Variants in ZNF560 observed in about 807,000 individuals in gnomAD.
ZNF560 encodes zinc finger protein 560.
A neutral mutation model predicts 81.8 loss-of-function variants in ZNF560; 54 were observed. That is an observed-to-expected ratio of 0.66 (90% CI 0.53 to 0.83). The LOEUF is 0.83. Among genes scored for constraint, ZNF560 ranks in the 40% least tolerant of loss-of-function variants. ZNF560 has a pLI of 0.00. For synonymous variants in ZNF560, 321 were observed against 317.9 expected (o/e 1.01, Z -0.10); for missense variants, 940 against 932.4 (o/e 1.01, Z -0.11).
At chr19:9,472,026 C>T (rs902099778) in intron 5 of ZNF560, among the ~76,000 whole-genome samples, 5 of 151,632 alleles carry the variant, frequency 3.3e-5, no homozygotes, top group Admixed American at 2.6e-4. Context: ...AGGAGAATGG[C>T]ATGAACCTGG....
At chr19:9,491,934 C>T (rs1387711561) in intron 2 of ZNF560, among the ~76,000 whole-genome samples, 1 of 138,858 alleles carries the variant, frequency 7.2e-6, no homozygotes, top group Admixed American at 7.2e-5. Context: ...GCCTAATCTG[C>T]TAAAAGCAAA....
At chr19:9,461,056 C>A in the ZNF560 span, among the ~76,000 whole-genome samples, 7 of 150,964 alleles carry the variant, frequency 4.6e-5, no homozygotes, top group Admixed American at 6.6e-5. Context: ...AATGATATGG[C>A]CCGCTGTAGG....
chr19:9,467,198 C>T lies in ZNF560; in HGVS notation c.1749G>A (p.Glu583=), dbSNP rs374445734. The T allele has an allele frequency of 1.9e-6, 3 of 1,613,326 alleles. No individual in the cohort carries two copies. Among genetic ancestry groups the T allele is most frequent in the Admixed American group, 1.7e-5 (1 of 59,960 alleles). The change falls in exon 10 of 10, where the codon GAG becomes GAA. Residue 583 remains glutamate (E), a synonymous_variant. Transcript: ENST00000301480. The part of the protein sequence containing the change: ...ECMKCGKAFT[E]RSYLTKHLRR... ...GTAAATGTTTAGTAAGGTATGAGCG[C>T]TCAGTGAAGGCTTTCCCACATTTCA...
the ZNF560 span, among the ~76,000 whole-genome samples, chr19:9,449,628 G>A: frequency 0.67 from 102,598 of 152,004 alleles, 35,690 homozygotes; most frequent in African/African-American, 0.84. Context: ...TGACATAGCT[G>A]CAGCCAACAT....
At chr19:9,477,768 C>G (rs1020769568) in intron 2 of ZNF560, among the ~76,000 whole-genome samples, 3 of 151,548 alleles carry the variant, frequency 2.0e-5, no homozygotes, top group Non-Finnish European at 4.4e-5. Context: ...ATGGTTCTTA[C>G]AAATCAAATG....
the ZNF560 span, among the ~76,000 whole-genome samples, chr19:9,504,151 C>T: frequency 1.3e-5 from 2 of 152,136 alleles, no homozygotes; most frequent in East Asian, 3.9e-4. Context: ...TACTGAGACT[C>T]TGCTGGGTGC....
chr19:9,501,524 A>G (rs1027466847), upstream of ZNF560, among the ~76,000 whole-genome samples: 1 of 151,468 alleles, frequency 6.6e-6, no homozygotes, highest in Non-Finnish European at 1.5e-5. Context: ...ACACCTGGCT[A>G]ATTTTTTTCT....
intron 2 of ZNF560, among the ~76,000 whole-genome samples, chr19:9,481,869 T>C (rs1246615527): frequency 6.6e-6 from 1 of 152,216 alleles, no homozygotes. Context: ...AGTGTGGCAA[T>C]TCCTCAAGGA....
chr19:9,448,327 G>A, the ZNF560 span, among the ~76,000 whole-genome samples: 15,520 of 149,988 alleles, frequency 0.1, 927 homozygotes, highest in South Asian at 0.2. Context: ...TGCCTCCTGG[G>A]TTCAAGTGAT....
intron 2 of ZNF560, among the ~76,000 whole-genome samples, chr19:9,495,690 G>C (rs2144731812): frequency 6.6e-6 from 1 of 152,096 alleles, no homozygotes; most frequent in East Asian, 1.9e-4. Context: ...CTGGGCAACA[G>C]AGCAAGAATC....
At chr19:9,447,153 A>T in the ZNF560 span, among the ~76,000 whole-genome samples, 1 of 147,560 alleles carries the variant, frequency 6.8e-6, no homozygotes, top group African/African-American at 2.7e-5. Flanking sequence ...AAAAAAAAAA[A>T]TAGACATACT....
intron 2 of ZNF560, among the ~76,000 whole-genome samples, chr19:9,482,231 A>G (rs897272519): frequency 5.3e-5 from 8 of 151,834 alleles, no homozygotes; most frequent in Non-Finnish European, 8.8e-5. Flanking sequence ...CAATGAGAAC[A>G]CTTGGACACA....
At chr19:9,450,152 G>A in the ZNF560 span, among the ~76,000 whole-genome samples, 134 of 151,262 alleles carry the variant, frequency 8.9e-4, no homozygotes, top group South Asian at 0.023. Flanking sequence ...TTAGCTGGAC[G>A]CAGTGGCAGG....
At chr19:9,497,122 A>G (rs572535537) in intron 2 of ZNF560, among the ~76,000 whole-genome samples, 1 of 150,754 alleles carries the variant, frequency 6.6e-6, no homozygotes, top group Non-Finnish European at 1.5e-5. Flanking sequence ...CCTCAAAAAA[A>G]CTCTCAAAAA....
At chr19:9,482,395 C>T (rs985005518) in intron 2 of ZNF560, among the ~76,000 whole-genome samples, 19 of 143,984 alleles carry the variant, frequency 1.3e-4, no homozygotes, top group African/African-American at 3.9e-4. Context: ...GCACATTGTA[C>T]GCATGTACCT....
intron 2 of ZNF560, among the ~76,000 whole-genome samples, chr19:9,490,487 G>T (rs1050414365): frequency 6.6e-6 from 1 of 152,192 alleles, no homozygotes; most frequent in Non-Finnish European, 1.5e-5. Context: ...TCACTAGCAT[G>T]AAACAGATAA....
At chr19:9,480,787 C>T (rs2073275620) in intron 2 of ZNF560, among the ~76,000 whole-genome samples, 1 of 151,934 alleles carries the variant, frequency 6.6e-6, no homozygotes, top group Admixed American at 6.6e-5. Flanking sequence ...CAAAAAAATG[C>T]TTTCAAAAAT....
chr19:9,503,362 C>T (rs2073646888), upstream of ZNF560, among the ~76,000 whole-genome samples: 1 of 151,988 alleles, frequency 6.6e-6, no homozygotes, highest in African/African-American at 2.4e-5. Flanking sequence ...TTGTGACTAA[C>T]AGAAATTTTT....
Position 9,469,727 on chromosome 19 carries a change from A to C in ZNF560, c.449-17T>G. 1 of 1,612,090 alleles carries C rather than the reference A, an allele frequency of 6.2e-7. No homozygotes were observed. On this transcript the variant is annotated splice_polypyrimidine_tract_variant and intron_variant, in intron 7 of 9. Transcript: ENST00000301480. ...GCTGGTAACCTGTACACAGGGAAAGATACACCAATGGAAGAGGCTCATGCA... is the reference window on the plus strand; with the variant it reads ...GCTGGTAACCTGTACACAGGGAAAGCTACACCAATGGAAGAGGCTCATGCA...
Sources: gnomAD v4.1 joint callset for allele counts (sites outside exome capture counted in the v4.1 genomes callset) on GRCh38, gnomAD v4.1.1 for gene constraint, MANE v1.5 for transcripts, NCBI Gene and HGNC (gene_info 2026-07-23, HGNC 2026-07-21) for gene names.